CFAP97: variants seen among roughly 807,000 people sequenced by gnomAD.
CFAP97 encodes cilia- and flagella-associated protein 97.
Under a neutral mutation model 43.1 loss-of-function variants are expected in CFAP97, and 36 were observed. The observed-to-expected ratio is 0.84, with a 90% CI of 0.64 to 1.10. The LOEUF is 1.10. Ranked by LOEUF, CFAP97 falls within the 50% of genes least tolerant of loss-of-function variation. The probability of loss-of-function intolerance (pLI) is 0.00; values close to 1 mark genes in which losing one functional copy is unlikely to be tolerated. For synonymous variants in CFAP97, 228 were observed against 225.7 expected, an observed-to-expected ratio of 1.01 and a Z score of -0.09; for missense variants, 657 against 620.3, an observed-to-expected ratio of 1.06 and a Z score of -0.63.
Position 185,168,123 on chromosome 4 carries a change from T to TA in CFAP97, c.1321-3945dup, listed in dbSNP as rs761406013. ...GCTAAGTTTTAAAGTACATGACAGT[T>TA]AAGGGAGTATTTCATATGTATTTTA... On this transcript the variant is annotated intron_variant, in intron 3 of 4. Transcript: ENST00000458385. Among the ~76,000 whole-genome samples the TA allele has an allele frequency of 1.3e-3, 202 of 152,142 alleles. 8 individuals carry two copies. The highest frequency in any genetic ancestry group is 3.5e-4 in the Non-Finnish European group (24 of 68,032).
At position 185,169,705 on chromosome 4, in the gene CFAP97, T is replaced by C. The variant is rs900454342; in HGVS notation, c.1321-5526A>G. 5.1e-6 allele frequency: 5 copies of C among 985,094 alleles called. No homozygotes were observed. In the African/African-American group the frequency reaches 8.8e-5, roughly 17 times the overall value. The allele number at this position is 985,094 out of a possible 1,614,324, so 61.0% of individuals were successfully genotyped here. A position where few individuals can be genotyped will look rare whatever the true frequency, so the allele number is the denominator to read the frequency against. ...TTCTGCAGCCGTTAGCAGAGGAGAG[T>C]TGCTTTAGTGTTTCTAGAGCGATGA... is the stretch of plus-strand genomic sequence containing the variant. On this transcript the variant is annotated intron_variant, in intron 3 of 4. Coordinates refer to ENST00000458385, the MANE Select transcript of CFAP97 (RefSeq NM_020827.3).
In CFAP97 at chr4:185,190,764, A is replaced by G. The variant is rs1462712873; in HGVS notation, c.433T>C (p.Tyr145His). ...TTAGCGGACTTGGACTTCACATGGT[A>G]TTTCTTCCCATCATCACTGCTTTCC... ...GEESSDDGKK[Y>H]HVKSKSAKPS... Residue 145 changes from tyrosine (Y) to histidine (H), a missense_variant, in exon 2 of 5, where the codon TAC (tyrosine) becomes CAC (histidine). Physicochemically the swap from Tyr to His is moderately conservative, Grantham distance 83. Transcript: ENST00000458385. 3.1e-6 allele frequency: 5 copies of G among 1,599,036 alleles called. No homozygotes were observed. In the African/African-American group the frequency reaches 4.0e-5, roughly 13 times the overall value.
intron 1 of CFAP97, among the ~76,000 whole-genome samples, chr4:185,203,229 G>T (rs1026662663): frequency 2.6e-5 from 4 of 152,272 alleles, no homozygotes; most frequent in South Asian, 4.1e-4. Flanking sequence ...AAAGAGACAG[G>T]TAAGTTTTTA....
upstream of CFAP97, among the ~76,000 whole-genome samples, chr4:185,208,298 G>A (rs1181869338): frequency 6.6e-6 from 1 of 151,856 alleles, no homozygotes; most frequent in Non-Finnish European, 1.5e-5. Flanking sequence ...TTACAGGCGT[G>A]AGCCACCGTG....
Position 185,162,016 on chromosome 4 carries a change from T to C in CFAP97, c.*782A>G, listed in dbSNP as rs1412186384. On this transcript the variant is annotated 3_prime_UTR_variant, in exon 5 of 5. Transcript: ENST00000458385. The stretch of plus-strand genomic sequence containing the variant: ...AATACTTGGTTTGCAACTGATGTGG[T>C]CCTTAAACTATTCACGAGTTAGAAG... 6.6e-6 allele frequency: 1 copy of C among 152,226 alleles called. No individual in the cohort carries two copies. Among genetic ancestry groups the C allele is most frequent in the Admixed American group, 6.5e-5 (1 of 15,278 alleles). The allele number at this position is 152,226 out of a possible 1,614,324, so 9.4% of individuals were successfully genotyped here.
intron 2 of CFAP97, among the ~76,000 whole-genome samples, chr4:185,189,194 G>A (rs922218534): frequency 4.6e-5 from 7 of 152,084 alleles, no homozygotes; most frequent in South Asian, 2.1e-4. Flanking sequence ...CTGTGGTCAC[G>A]CCACTTCACT....
In CFAP97 at chr4:185,160,713, A is replaced by G. The variant is rs1734844819; in HGVS notation, c.*2085T>C. The G allele has an allele frequency of 6.6e-6, 1 of 151,804 alleles. No homozygotes were observed. Among genetic ancestry groups the G allele is most frequent in the South Asian group, 2.1e-4 (1 of 4,828 alleles). The allele number at this position is 151,804 out of a possible 1,614,324, so 9.4% of individuals were successfully genotyped here. A position where few individuals can be genotyped will look rare whatever the true frequency, so the allele number is the denominator to read the frequency against. ...AAGCATTAAATTAGTACCTAAAATC[A>G]AAGTACAGTTGTTATTTATAAAACT... On this transcript the variant is annotated 3_prime_UTR_variant, in exon 5 of 5. Transcript: ENST00000458385.
chr4:185,209,335 G>C lies in CFAP97; in HGVS notation c.-84C>G, dbSNP rs532129720. The C allele has an allele frequency of 6.6e-6, 1 of 152,542 alleles. No individual in the cohort carries two copies. The highest frequency in any genetic ancestry group is 6.5e-5 in the Admixed American group (1 of 15,312). 9.4% of individuals were successfully genotyped at this position (152,542 alleles called of 1,614,324 possible). A position where few individuals can be genotyped will look rare whatever the true frequency, so the allele number is the denominator to read the frequency against. On this transcript the variant is annotated 5_prime_UTR_variant, in exon 1 of 3. Transcript: ENST00000503223. The surrounding 1 kb of genome is among the most constrained non-coding windows in gnomAD (Gnocchi z 5.2). Reference sequence around the variant, plus strand: ...GAATTACGGGATCACCTGAGCTCAGGAATTACCAGCGCCGCTGACACCTGC... The same window carrying C: ...GAATTACGGGATCACCTGAGCTCAGCAATTACCAGCGCCGCTGACACCTGC...
intron 3 of CFAP97, chr4:185,170,106 G>A (rs1306547399): frequency 2.1e-5 from 24 of 1,142,280 alleles, no homozygotes; most frequent in Non-Finnish European, 2.7e-5. Context: ...CTTGCTCTTT[G>A]GGAAGCTGAG....
intron 1 of CFAP97, among the ~76,000 whole-genome samples, chr4:185,199,393 G>C (rs1736717638): frequency 6.6e-6 from 1 of 151,802 alleles, no homozygotes; most frequent in African/African-American, 2.4e-5. Context: ...AAAAATCTGG[G>C]TGCGGTGCCT....
At position 185,175,947 on chromosome 4, in the gene CFAP97, T is replaced by C. The variant is rs765465709; in HGVS notation, c.1159A>G (p.Ile387Val). Residue 387 changes from isoleucine to valine, a missense_variant, in exon 3 of 5, where the codon ATC (isoleucine) becomes GTC (valine). Physicochemically the swap from Ile to Val is conservative, Grantham distance 29. Coordinates refer to ENST00000458385, the MANE Select transcript of CFAP97 (RefSeq NM_020827.3). ...YSFTREEVRQ[I>V]DRENQRLLKE... ...AAAAGCCTCTGATTTTCCCGATCGATCTGTCTCACCTCTTCTCTTGTGAAA... is the reference window on the plus strand; with the variant it reads ...AAAAGCCTCTGATTTTCCCGATCGACCTGTCTCACCTCTTCTCTTGTGAAA... 6.2e-7 allele frequency: 1 copy of C among 1,613,944 alleles called. No individual in the cohort carries two copies. The highest frequency in any genetic ancestry group is 1.7e-5 in the Admixed American group (1 of 60,020).
chr4:185,202,988 T>A (rs567745681), intron 1 of CFAP97, among the ~76,000 whole-genome samples: 1 of 152,288 alleles, frequency 6.6e-6, no homozygotes, highest in South Asian at 2.1e-4. Flanking sequence ...TAGGAAAGGA[T>A]AAAATTAAAG....
At chr4:185,165,714 G>T in intron 3 of CFAP97, among the ~76,000 whole-genome samples, 1 of 152,278 alleles carries the variant, frequency 6.6e-6, no homozygotes, top group East Asian at 1.9e-4. Context: ...GTGGTAAAAT[G>T]AAACCACATT....
chr4:185,169,511 T>G (rs1456204477), intron 3 of CFAP97: 2 of 725,848 alleles, frequency 2.8e-6, no homozygotes, highest in Non-Finnish European at 3.4e-6. Flanking sequence ...CTCTTTTGTT[T>G]ATAAATTACC....
rs1734880883 is a variant in CFAP97, at chr4:185,161,733, AG to A, written c.*1064del. ...TCCAGGGTTCAATCAAATAAATCAA[AG>A]TAAACCAAAACAAGAAAATTAGCTA... On this transcript the variant is annotated 3_prime_UTR_variant, in exon 5 of 5. Coordinates refer to ENST00000458385, the MANE Select transcript of CFAP97 (RefSeq NM_020827.3). 1 of 152,254 alleles carries A rather than the reference AG, an allele frequency of 6.6e-6. No homozygotes were observed. Among genetic ancestry groups the A allele is most frequent in the African/African-American group, 2.4e-5 (1 of 41,462 alleles). The allele number at this position is 152,254 out of a possible 1,614,324, so 9.4% of individuals were successfully genotyped here. A position where few individuals can be genotyped will look rare whatever the true frequency, so the allele number is the denominator to read the frequency against.
At chr4:185,167,434 C>T (rs910943016) in intron 3 of CFAP97, among the ~76,000 whole-genome samples, 2 of 152,092 alleles carry the variant, frequency 1.3e-5, no homozygotes, top group African/African-American at 4.8e-5. Flanking sequence ...CACTAGACTC[C>T]AGCCTGGGTG....
At chr4:185,171,741 G>T (rs761442439) in intron 3 of CFAP97, among the ~76,000 whole-genome samples, 1 of 152,062 alleles carries the variant, frequency 6.6e-6, no homozygotes, top group Non-Finnish European at 1.5e-5. Context: ...TTGAGATAGG[G>T]TCTTGCTCTG....
At chr4:185,204,047 G>A (rs13105050), upstream of CFAP97, 9 of 150,178 alleles carry the variant, frequency 6.0e-5, no homozygotes, top group Admixed American at 5.3e-4. Context: ...CGCTTCGGGA[G>A]AGGCGGGGGC....
intron 2 of CFAP97, 57 bp from the exon 3 acceptor site, chr4:185,176,108 G>GGTTTT: frequency 8.2e-7 from 1 of 1,215,646 alleles, no homozygotes; most frequent in Non-Finnish European, 1.1e-6. Context: ...TGTGGTACAT[G>GGTTTT]CTTTTTTTTT....
Sources: gnomAD v4.1 joint callset for allele counts (sites outside exome capture counted in the v4.1 genomes callset) on GRCh38, gnomAD v4.1.1 for gene constraint, Gnocchi (gnomAD v3.1) non-coding constraint, MANE v1.5 for transcripts, NCBI Gene and HGNC (gene_info 2026-07-23, HGNC 2026-07-21) for gene names.